Variants in MROH9 observed in about 807,000 individuals in gnomAD.
MROH9 encodes maestro heat like repeat family member 9, also known as maestro heat-like repeat-containing protein family member 9.
MROH9 carries 92 observed loss-of-function variants against 98.2 expected under a neutral mutation model. That is an observed-to-expected ratio of 0.94 (90% confidence interval 0.79 to 1.11). The LOEUF (loss-of-function observed/expected upper bound fraction) is 1.11. Among genes scored for constraint, MROH9 ranks in the 50% most tolerant of loss-of-function variants. The pLI, the probability that MROH9 is intolerant of heterozygous loss-of-function variation, is 0.00. For synonymous variants in MROH9, 397 were observed against 368.9 expected, an observed-to-expected ratio of 1.08 and a Z score of -0.87; for missense variants, 1,057 against 1,014.8, an observed-to-expected ratio of 1.04 and a Z score of -0.57.
Position 171,064,149 on chromosome 1 carries a change from GAAATAACC to G in MROH9, c.2396_2403del (p.Glu799ValfsTer2). 6.4e-7 allele frequency: 1 copy of G among 1,550,732 alleles called. No individual in the cohort carries two copies. The highest frequency in any genetic ancestry group is 2.0e-5 in the Admixed American group (1 of 50,778). ...AGACCCTATGATCAAACAGTTGGCT[GAAATAACC>G]TATGATATTTTTAAGAAAAAAGCCC... On this transcript the variant is annotated frameshift_variant, in exon 22 of 22. Coordinates refer to ENST00000367759, the MANE Select transcript of MROH9 (RefSeq NM_001163629.2). LOFTEE classifies it low-confidence loss of function (END_TRUNC).
intron 3 of MROH9, among the ~76,000 whole-genome samples, chr1:170,952,349 C>T (rs1649583845): frequency 6.6e-6 from 1 of 152,078 alleles, no homozygotes; most frequent in African/African-American, 2.4e-5. Context: ...TGGAACCAAA[C>T]CAAATGTCCA....
chr1:170,959,234 G>T (rs999298264), intron 4 of MROH9, among the ~76,000 whole-genome samples: 2 of 152,070 alleles, frequency 1.3e-5, no homozygotes, highest in African/African-American at 4.8e-5. Context: ...AATTAGCCAG[G>T]CGTGGTGGCG....
chr1:170,989,982 A>T lies in MROH9; in HGVS notation c.1007A>T (p.Asp336Val). 6.2e-7 allele frequency: 1 copy of T among 1,612,312 alleles called. No homozygotes were observed. The highest frequency in any genetic ancestry group is 8.5e-7 in the Non-Finnish European group (1 of 1,178,858). Residue 336 changes from aspartate to valine, a missense_variant, in exon 11 of 22, where the codon GAC becomes GTC. Transcript: ENST00000367759. Reference sequence around the variant, plus strand: ...AAGAAGGTCATCTTTCAACTTATGGACTACCCAGTTCCAGCAGACGAGTAA... The same window carrying T: ...AAGAAGGTCATCTTTCAACTTATGGTCTACCCAGTTCCAGCAGACGAGTAA... The part of the protein sequence containing the change: ...SPKKVIFQLM[D>V]YPVPADDTLI...
intron 15 of MROH9, among the ~76,000 whole-genome samples, chr1:171,007,479 T>C (rs1440362302): frequency 6.6e-6 from 1 of 152,100 alleles, no homozygotes; most frequent in Non-Finnish European, 1.5e-5. Context: ...TAGAACCCAG[T>C]CACAAGGCTG....
chr1:170,946,459 C>T (rs945520744), intron 2 of MROH9, among the ~76,000 whole-genome samples: 3 of 151,630 alleles, frequency 2.0e-5, no homozygotes, highest in African/African-American at 7.3e-5. Context: ...GATCCCAGAA[C>T]CAGAAAAGGA....
intron 2 of MROH9, 76 bp downstream of exon 2, chr1:170,945,657 G>C (rs1649302007): frequency 7.9e-7 from 1 of 1,267,256 alleles, no homozygotes; most frequent in Non-Finnish European, 1.1e-6. Context: ...ACAGATGACA[G>C]AGAGAAACCT....
At chr1:170,953,148 A>G (rs1250830660) in intron 3 of MROH9, among the ~76,000 whole-genome samples, 1 of 152,088 alleles carries the variant, frequency 6.6e-6, no homozygotes, top group African/African-American at 2.4e-5. Context: ...CATTAGAAAC[A>G]TGTTTTCTTT....
intron 20 of MROH9, 133 bp from the exon 21 acceptor site, chr1:171,061,999 T>C (rs1654029857): frequency 1.6e-6 from 1 of 621,860 alleles, no homozygotes; most frequent in East Asian, 2.8e-5. Flanking sequence ...TAATTAAAAG[T>C]ACTAAAAGAT....
chr1:171,041,347 A>G (rs928449345), intron 20 of MROH9, among the ~76,000 whole-genome samples: 7 of 80,644 alleles, frequency 8.7e-5, no homozygotes, highest in South Asian at 1.8e-3. Context: ...GTATTCCATG[A>G]TGTGTGTGTG....
In MROH9 at chr1:170,980,812, T is replaced by C. The variant is rs111553400; in HGVS notation, c.617-2610T>C. On this transcript the variant is annotated intron_variant, in intron 8 of 21. Coordinates refer to ENST00000367759, the MANE Select transcript of MROH9 (RefSeq NM_001163629.2). ...AGAGCTTCTGCACGGCAAAAGAAAC[T>C]ATTATCAGAGTGAATAAGCAACCTA... 9.8e-3 allele frequency among the ~76,000 whole-genome samples: 1,494 copies of C among 152,208 alleles called. 27 individuals carry two copies. The highest frequency in any genetic ancestry group is 0.033 in the African/African-American group (1,389 of 41,526).
Position 170,961,916 on chromosome 1 carries a change from A to G in MROH9, c.315A>G (p.Ile105Met), listed in dbSNP as rs761921293. ...ATTTATACCACAATATTTTAAATAT[A>G]TATGAGAACATTCTTACGAGCTTGG... Reference protein sequence around the residue: ...MENLYHNILNIYENILTSLVS... With the variant: ...MENLYHNILNMYENILTSLVS... The change falls in exon 6 of 22, where the codon ATA becomes ATG. Residue 105 changes from isoleucine (I) to methionine (M), a missense_variant. By Grantham distance (10) the Ile-to-Met change is conservative. Transcript: ENST00000367759. 3 of 1,524,564 alleles carry G rather than the reference A, an allele frequency of 2.0e-6. No homozygotes were observed. Among genetic ancestry groups the G allele is most frequent in the East Asian group, 2.4e-5 (1 of 41,234 alleles). The allele number at this position is 1,524,564 out of a possible 1,614,324, so 94.4% of individuals were successfully genotyped here. A position where few individuals can be genotyped will look rare whatever the true frequency, so the allele number is the denominator to read the frequency against.
intron 20 of MROH9, among the ~76,000 whole-genome samples, chr1:171,047,053 A>G (rs1653492327): frequency 6.6e-6 from 1 of 152,024 alleles, no homozygotes; most frequent in Non-Finnish European, 1.5e-5. Context: ...GTTCCATTGT[A>G]TATTATGTGT....
chr1:171,011,744 T>G (rs960484338), intron 15 of MROH9, among the ~76,000 whole-genome samples: 1 of 152,216 alleles, frequency 6.6e-6, no homozygotes, highest in Non-Finnish European at 1.5e-5. Flanking sequence ...CAGATATTCT[T>G]TTTAAATTTT....
At chr1:171,044,767 C>G (rs545573882) in intron 20 of MROH9, among the ~76,000 whole-genome samples, 1 of 151,710 alleles carries the variant, frequency 6.6e-6, no homozygotes, top group Non-Finnish European at 1.5e-5. Flanking sequence ...CTCATACTAG[C>G]CACTAATGAT....
At chr1:170,976,903 AT>A (rs1220539840) in intron 8 of MROH9, among the ~76,000 whole-genome samples, 7 of 151,574 alleles carry the variant, frequency 4.6e-5, no homozygotes, top group African/African-American at 1.7e-4. Context: ...ATAATCTTGT[AT>A]TTCTTGGAGG....
chr1:170,940,985 G>C (rs1171037140), intron 1 of MROH9, among the ~76,000 whole-genome samples: 1 of 152,086 alleles, frequency 6.6e-6, no homozygotes, highest in Admixed American at 6.5e-5. Flanking sequence ...CAGAACTGAG[G>C]AAATAACATC....
intron 8 of MROH9, among the ~76,000 whole-genome samples, chr1:170,976,834 T>C (rs1256200154): frequency 6.6e-6 from 1 of 152,210 alleles, no homozygotes; most frequent in Non-Finnish European, 1.5e-5. Flanking sequence ...TTCCAAGTTG[T>C]TGGCTTTCTC....
intron 3 of MROH9, among the ~76,000 whole-genome samples, chr1:170,955,244 G>C (rs574954036): frequency 3.3e-5 from 5 of 152,180 alleles, no homozygotes; most frequent in African/African-American, 1.2e-4. Flanking sequence ...TTGGTTCCAC[G>C]ATTTTGCAAT....
chr1:171,051,041 G>C (rs924082496), intron 20 of MROH9, among the ~76,000 whole-genome samples: 1 of 152,036 alleles, frequency 6.6e-6, no homozygotes, highest in Non-Finnish European at 1.5e-5. Flanking sequence ...TTCATGTTCT[G>C]TTGGATTTGA....
Sources: allele counts gnomAD v4.1 joint callset (sites outside exome capture counted in the v4.1 genomes callset), GRCh38; gene constraint gnomAD v4.1.1; transcripts MANE v1.5; gene names NCBI Gene and HGNC (gene_info 2026-07-23, HGNC 2026-07-21).